The following SOCS6 variants were observed in gnomAD, a reference collection of about 807,000 sequenced individuals.
The protein encoded by SOCS6 is suppressor of cytokine signaling 6, also known as STAT induced STAT inhibitor-4.
A neutral mutation model predicts 27.7 loss-of-function variants in SOCS6; 5 were observed. The observed-to-expected ratio is 0.18, with a 90% CI of 0.09 to 0.38. The LOEUF (loss-of-function observed/expected upper bound fraction) is 0.38, where lower values mean the gene tolerates loss of function less well. Ranked by LOEUF, SOCS6 falls within the 10% of genes least tolerant of loss-of-function variation. SOCS6 has a pLI of 1.00. For missense variants in SOCS6, 595 were observed against 688.1 expected, an observed-to-expected ratio of 0.86 and a Z score of 1.51; for synonymous variants, 271 against 260.0, an observed-to-expected ratio of 1.04 and a Z score of -0.41.
intron 1 of SOCS6, among the ~76,000 whole-genome samples, chr18:70,313,458 A>C (rs910856565): frequency 2.6e-5 from 4 of 152,060 alleles, no homozygotes; most frequent in Non-Finnish European, 4.4e-5. Flanking sequence ...GGCCTTCTGC[A>C]GTGCAAGCCT....
chr18:70,328,866 G>A lies in SOCS6; in HGVS notation c.*2590G>A, dbSNP rs1911309932. On this transcript the variant is annotated 3_prime_UTR_variant, in exon 2 of 2. Coordinates refer to ENST00000397942, the MANE Select transcript of SOCS6 (RefSeq NM_004232.4). Reference sequence around the variant, plus strand: ...AGAGAGAGAGAAAACTCATCATTTAGTTTGGTCTAGACACAATTTGGTTAA... The same window carrying A: ...AGAGAGAGAGAAAACTCATCATTTAATTTGGTCTAGACACAATTTGGTTAA... 6.0e-6 allele frequency: 1 copy of A among 166,986 alleles called. No homozygotes were observed. Among genetic ancestry groups the A allele is most frequent in the South Asian group, 2.1e-4 (1 of 4,828 alleles). 10.3% of individuals were successfully genotyped at this position (166,986 alleles called of 1,614,324 possible). A position where few individuals can be genotyped will look rare whatever the true frequency, so the allele number is the denominator to read the frequency against.
intron 1 of SOCS6, among the ~76,000 whole-genome samples, chr18:70,319,955 A>G (rs917313168): frequency 4.6e-5 from 7 of 152,188 alleles, no homozygotes; most frequent in Non-Finnish European, 1.5e-5. Flanking sequence ...CACTTCATTA[A>G]AAACAAATGA....
At position 70,325,497 on chromosome 18, in the gene SOCS6, C is replaced by G. The variant is rs373298258; in HGVS notation, c.829C>G (p.Pro277Ala). Residue 277 changes from proline to alanine, a missense_variant, in exon 2 of 2, where the codon CCA (proline) becomes GCA (alanine). Pro to Ala is a conservative substitution (Grantham distance 27, BLOSUM62 -1). This residue lies in a region of SOCS6 where 467 missense variants were observed against 481.1 expected (regional missense o/e 0.97). Coordinates refer to ENST00000397942, the MANE Select transcript of SOCS6 (RefSeq NM_004232.4). The surrounding 1 kb of genome is among the most constrained non-coding windows in gnomAD (Gnocchi z 6.3). ...GGTAGACCAGGACCTAGTTGTCGCC[C>G]CAGAGATCTTCGTGGATCAGTCCGT... ...SQVDQDLVVAPEIFVDQSVNG... is the reference protein window; with the variant it reads ...SQVDQDLVVAAEIFVDQSVNG... The G allele has an allele frequency of 6.2e-7, 1 of 1,614,124 alleles. No individual in the cohort carries two copies. Among genetic ancestry groups the G allele is most frequent in the Admixed American group, 1.7e-5 (1 of 60,012 alleles).
chr18:70,317,459 G>C (rs1316119824), intron 1 of SOCS6, among the ~76,000 whole-genome samples: 5 of 142,574 alleles, frequency 3.5e-5, no homozygotes, highest in East Asian at 2.1e-4. Flanking sequence ...TACATATATA[G>C]ATACATATAT....
intron 1 of SOCS6, among the ~76,000 whole-genome samples, chr18:70,305,089 C>A (rs188443111): frequency 8.5e-4 from 126 of 148,056 alleles, no homozygotes; most frequent in African/African-American, 3.1e-3. Flanking sequence ...CACCTGTAAT[C>A]CCAGCTATTG....
intron 1 of SOCS6, among the ~76,000 whole-genome samples, chr18:70,290,881 A>G (rs2062296175): frequency 6.6e-6 from 1 of 151,630 alleles, no homozygotes; most frequent in Admixed American, 6.6e-5. Context: ...AGGGCCTCCC[A>G]CCCAAGCGCA....
rs767433550 is a variant in SOCS6 at position 70,325,431 on chromosome 18, C to T, written c.763C>T (p.Pro255Ser). Residue 255 changes from proline (P) to serine (S), a missense_variant, in exon 2 of 2, where the codon CCT (proline) becomes TCT (serine). By Grantham distance (74) the Pro-to-Ser change is moderately conservative. Around this residue, in one of 2 missense-constraint regions of SOCS6, gnomAD observed 467 missense variants for 481.1 expected, o/e 0.97. Transcript: ENST00000397942. The surrounding 1 kb of genome is among the most constrained non-coding windows in gnomAD (Gnocchi z 6.3). The stretch of plus-strand genomic sequence containing the variant: ...TCCCATGGAAGTCTCTGCGGTTCCT[C>T]CTCAAGTGGGAGGGCGCGCTTTCCC... ...SSPMEVSAVPPQVGGRAFPED... is the reference protein window; with the variant it reads ...SSPMEVSAVPSQVGGRAFPED... 18 of 1,614,188 alleles carry T rather than the reference C, an allele frequency of 1.1e-5. No homozygotes were observed. The South Asian group carries it at 1.2e-4, about 11-fold the overall frequency.
At chr18:70,302,460 T>C (rs748395789) in intron 1 of SOCS6, among the ~76,000 whole-genome samples, 2 of 152,162 alleles carry the variant, frequency 1.3e-5, no homozygotes, top group Non-Finnish European at 2.9e-5. Context: ...CTGCGGGTCA[T>C]GGCCTTGACT....
intron 1 of SOCS6, among the ~76,000 whole-genome samples, chr18:70,312,712 AC>A (rs1321189413): frequency 6.6e-6 from 1 of 151,572 alleles, no homozygotes; most frequent in Non-Finnish European, 1.5e-5. Flanking sequence ...GCATTCAGTT[AC>A]GTAAACACCA....
intron 1 of SOCS6, among the ~76,000 whole-genome samples, chr18:70,298,730 A>T (rs1011965418): frequency 6.6e-6 from 1 of 152,170 alleles, no homozygotes; most frequent in African/African-American, 2.4e-5. Context: ...TAGTTATTTC[A>T]TAGGAGTCTC....
intron 1 of SOCS6, among the ~76,000 whole-genome samples, chr18:70,292,295 A>G (rs1465581946): frequency 6.6e-6 from 1 of 152,168 alleles, no homozygotes; most frequent in Non-Finnish European, 1.5e-5. Context: ...GGGGACAATA[A>G]TTTATCTCAC....
chr18:70,309,110 T>C (rs931327475), intron 1 of SOCS6, among the ~76,000 whole-genome samples: 11 of 152,242 alleles, frequency 7.2e-5, no homozygotes, highest in African/African-American at 2.4e-4. Context: ...ACAATGCAAC[T>C]TTGTTGCAGT....
chr18:70,303,412 C>T (rs1009501825), intron 1 of SOCS6, among the ~76,000 whole-genome samples: 2 of 151,392 alleles, frequency 1.3e-5, no homozygotes, highest in African/African-American at 2.4e-5. Flanking sequence ...ATGTTTTTTT[C>T]TTTAATATTT....
At chr18:70,311,575 T>C (rs984960257) in intron 1 of SOCS6, among the ~76,000 whole-genome samples, 1 of 152,178 alleles carries the variant, frequency 6.6e-6, no homozygotes, top group Admixed American at 6.5e-5. Context: ...GCTCGATGGT[T>C]ACAGAAAAGT....
intron 1 of SOCS6, among the ~76,000 whole-genome samples, chr18:70,301,275 A>C (rs2062347044): frequency 6.6e-6 from 1 of 152,216 alleles, no homozygotes; most frequent in African/African-American, 2.4e-5. Context: ...AAGGAAACTT[A>C]TTAGGAGGTA....
At chr18:70,292,444 G>A (rs1000397204) in intron 1 of SOCS6, among the ~76,000 whole-genome samples, 8 of 152,168 alleles carry the variant, frequency 5.3e-5, no homozygotes, top group Non-Finnish European at 8.8e-5. Flanking sequence ...AGGCTCAAGC[G>A]ATCTTCTTGC....
chr18:70,314,499 T>C (rs1276968090), intron 1 of SOCS6, among the ~76,000 whole-genome samples: 4 of 152,220 alleles, frequency 2.6e-5, no homozygotes. Context: ...CTGTGTTACA[T>C]TGCCTACAAT....
rs59769890 is a variant in SOCS6, at chr18:70,314,865, GTATATA to G, written c.-126-9662_-126-9657del. 9.6e-4 allele frequency among the ~76,000 whole-genome samples: 144 copies of G among 150,154 alleles called. 1 individual carries two copies. The highest frequency in any genetic ancestry group is 2.5e-3 in the African/African-American group (102 of 40,884). On this transcript the variant is annotated intron_variant, in intron 1 of 1. Coordinates refer to ENST00000397942, the MANE Select transcript of SOCS6 (RefSeq NM_004232.4). ...CTTCATTACAGCTCTGATTTTGTGT[GTATATA>G]TATATATATATATATGTCTATTCCT...
At position 70,326,564 on chromosome 18, in the gene SOCS6, C is replaced by G. The variant is rs1190696661; in HGVS notation, c.*288C>G. 5 of 351,208 alleles carry G rather than the reference C, an allele frequency of 1.4e-5. No individual in the cohort carries two copies. Among genetic ancestry groups the G allele is most frequent in the Non-Finnish European group, 2.2e-5 (4 of 184,916 alleles). The allele number at this position is 351,208 out of a possible 1,614,324, so 21.8% of individuals were successfully genotyped here. A position where few individuals can be genotyped will look rare whatever the true frequency, so the allele number is the denominator to read the frequency against. On this transcript the variant is annotated 3_prime_UTR_variant, in exon 2 of 2. Coordinates refer to ENST00000397942, the MANE Select transcript of SOCS6 (RefSeq NM_004232.4). ...TTATCAAATTCTCCTCAATGCCCCC[C>G]CCGCCCAGTCCTTTGCTGCTATCCA...
Sources: gnomAD v4.1 joint callset for allele counts (sites outside exome capture counted in the v4.1 genomes callset) on GRCh38, gnomAD v4.1.1 for gene constraint, gnomAD v4.1.1 regional missense constraint, Gnocchi (gnomAD v3.1) non-coding constraint, MANE v1.5 for transcripts, NCBI Gene and HGNC (gene_info 2026-07-23, HGNC 2026-07-21) for gene names.